Variants in EXOC4 observed in about 807,000 individuals in gnomAD.
EXOC4 encodes the protein exocyst complex component 4.
In EXOC4, 71 loss-of-function variants were observed where a neutral mutation model predicts 107.2. The observed-to-expected ratio is 0.66, with a 90% confidence interval of 0.55 to 0.81. EXOC4 has a LOEUF of 0.81. Among genes scored for constraint, EXOC4 ranks in the 30% least tolerant of loss-of-function variants. The pLI is 0.00. For missense variants in EXOC4, 1,108 were observed against 1,189.6 expected (o/e 0.93, Z 1.01); for synonymous variants, 456 against 441.2 (o/e 1.03, Z -0.42).
At chr7:133,786,693 A>G (rs1796575407) in intron 10 of EXOC4, among the ~76,000 whole-genome samples, 1 of 152,126 alleles carries the variant, frequency 6.6e-6, no homozygotes. Context: ...CATTTTACTG[A>G]CCTTTATTCA....
intron 14 of EXOC4, among the ~76,000 whole-genome samples, chr7:133,978,781 T>C (rs1436342687): frequency 6.6e-6 from 1 of 152,224 alleles, no homozygotes; most frequent in Non-Finnish European, 1.5e-5. Flanking sequence ...AGCATCTTTC[T>C]GCCACTGTAA....
chr7:133,787,968 TA>T (rs1796619554), intron 10 of EXOC4, among the ~76,000 whole-genome samples: 7 of 21,330 alleles, frequency 3.3e-4, no homozygotes, highest in Non-Finnish European at 3.8e-4. Context: ...TATATTTATA[TA>T]TATATATATA....
At chr7:133,380,394 A>G (rs995363049) in intron 7 of EXOC4, among the ~76,000 whole-genome samples, 1 of 152,004 alleles carries the variant, frequency 6.6e-6, no homozygotes, top group African/African-American at 2.4e-5. Flanking sequence ...TATTTAAAGT[A>G]TAGATTTCAG....
At chr7:133,919,009 A>AGT in intron 13 of EXOC4, among the ~76,000 whole-genome samples, 1 of 152,202 alleles carries the variant, frequency 6.6e-6, no homozygotes, top group Non-Finnish European at 1.5e-5. Context: ...CATACACTAC[A>AGT]GTGCCATATT....
intron 9 of EXOC4, among the ~76,000 whole-genome samples, chr7:133,545,735 C>G (rs1487609074): frequency 6.6e-6 from 1 of 152,162 alleles, no homozygotes; most frequent in Non-Finnish European, 1.5e-5. Context: ...CTTCAAGTTA[C>G]TTTGCAGTCT....
Position 133,317,352 on chromosome 7 carries a change from T to A in EXOC4, c.725T>A (p.Leu242His). The change falls in exon 5 of 18, where the codon CTT (leucine) becomes CAT (histidine). Residue 242 changes from leucine (L) to histidine (H), a missense_variant. Coordinates refer to ENST00000253861, the MANE Select transcript of EXOC4 (RefSeq NM_021807.4). Reference protein sequence around the residue: ...VTNLPTPRKFLDTSHYSTAGS... With the variant: ...VTNLPTPRKFHDTSHYSTAGS... ...AACCTCCCTACTCCTCGAAAATTCC[T>A]TGATACCTCTCACTATTCTACTGCT... 6.8e-6 allele frequency: 11 copies of A among 1,612,922 alleles called. No individual in the cohort carries two copies. The highest frequency in any genetic ancestry group is 9.3e-6 in the Non-Finnish European group (11 of 1,178,894).
chr7:133,527,351 C>G (rs908025074), intron 9 of EXOC4, among the ~76,000 whole-genome samples: 2 of 152,122 alleles, frequency 1.3e-5, no homozygotes, highest in Non-Finnish European at 2.9e-5. Context: ...TTGCAGTGAG[C>G]TGAGATTGCG....
chr7:133,582,755 G>A (rs1305078827), intron 9 of EXOC4, among the ~76,000 whole-genome samples: 2 of 152,046 alleles, frequency 1.3e-5, no homozygotes, highest in Non-Finnish European at 2.9e-5. Flanking sequence ...AATGGCAACC[G>A]AAACAAATCA....
At chr7:133,333,281 G>T (rs1795436226) in intron 5 of EXOC4, among the ~76,000 whole-genome samples, 1 of 152,098 alleles carries the variant, frequency 6.6e-6, no homozygotes, top group African/African-American at 2.4e-5. Flanking sequence ...TTTGGCCACT[G>T]GTAGCTCCTT....
At chr7:133,908,523 C>A (rs1799619517) in intron 12 of EXOC4, among the ~76,000 whole-genome samples, 1 of 152,164 alleles carries the variant, frequency 6.6e-6, no homozygotes, top group Non-Finnish European at 1.5e-5. Flanking sequence ...TGCAGAACAG[C>A]GGGTCTGGGT....
chr7:133,260,128 C>A (rs1343424126), intron 1 of EXOC4, among the ~76,000 whole-genome samples: 1 of 152,084 alleles, frequency 6.6e-6, no homozygotes, highest in Non-Finnish European at 1.5e-5. Context: ...GCAACTTTGT[C>A]AAAAACCAAT....
At chr7:133,936,736 T>A (rs1445514634) in intron 13 of EXOC4, among the ~76,000 whole-genome samples, 1 of 152,184 alleles carries the variant, frequency 6.6e-6, no homozygotes, top group Non-Finnish European at 1.5e-5. Context: ...CTCGGCTCAC[T>A]GCAACCTCCG....
chr7:133,662,580 G>A (rs780764530), intron 10 of EXOC4, among the ~76,000 whole-genome samples: 10 of 151,976 alleles, frequency 6.6e-5, no homozygotes, highest in South Asian at 2.1e-4. Flanking sequence ...GTTTAAGAGC[G>A]TTATTTAATC....
intron 9 of EXOC4, among the ~76,000 whole-genome samples, chr7:133,491,450 T>C (rs1421654095): frequency 6.6e-6 from 1 of 152,132 alleles, no homozygotes; most frequent in Non-Finnish European, 1.5e-5. Flanking sequence ...TTGAGTAGCT[T>C]GGGGTTTAGT....
At position 133,253,584 on chromosome 7, in the gene EXOC4, G is replaced by T. The variant is rs78262776; in HGVS notation, c.86+397G>T. The T allele has an allele frequency of 1.8e-3, 1,603 of 915,918 alleles. 22 individuals are homozygous for T. In the African/African-American group the frequency reaches 0.018, roughly 10 times the overall value. 56.7% of individuals were successfully genotyped at this position (915,918 alleles called of 1,614,324 possible). ...CGTCTTGTTTCCTGGACTTTGGGGT[G>T]TAAGGCCTTGGAGTCCGGAGATTCC... is the stretch of plus-strand genomic sequence containing the variant. On this transcript the variant is annotated intron_variant, in intron 1 of 17. Coordinates refer to ENST00000253861, the MANE Select transcript of EXOC4 (RefSeq NM_021807.4).
At chr7:133,840,452 A>G (rs181741688) in intron 11 of EXOC4, among the ~76,000 whole-genome samples, 2 of 151,922 alleles carry the variant, frequency 1.3e-5, no homozygotes, top group East Asian at 3.9e-4. Flanking sequence ...GCAGGAGAGC[A>G]CTTGGGATAA....
At chr7:133,286,180 C>T (rs1794272799) in intron 2 of EXOC4, among the ~76,000 whole-genome samples, 1 of 152,170 alleles carries the variant, frequency 6.6e-6, no homozygotes, top group East Asian at 1.9e-4. Context: ...AATCCTCTTG[C>T]TTTGTTTTAC....
chr7:133,498,202 C>T (rs1364972320), intron 9 of EXOC4, among the ~76,000 whole-genome samples: 2 of 152,156 alleles, frequency 1.3e-5, no homozygotes, highest in Non-Finnish European at 2.9e-5. Flanking sequence ...ATCCTTGACT[C>T]CTCCTTCTTT....
At chr7:133,908,283 A>G (rs10155909) in intron 12 of EXOC4, among the ~76,000 whole-genome samples, 70,947 of 151,928 alleles carry the variant, frequency 0.47, 17,866 homozygotes, top group African/African-American at 0.66. Flanking sequence ...AGTCACAACA[A>G]TTCTGTTGAA....
Sources: gnomAD v4.1 joint callset for allele counts (sites outside exome capture counted in the v4.1 genomes callset) on GRCh38, gnomAD v4.1.1 for gene constraint, MANE v1.5 for transcripts, NCBI Gene and HGNC (gene_info 2026-07-23, HGNC 2026-07-21) for gene names.